Variants in GNB1 observed in about 807,000 individuals in gnomAD.
The protein encoded by GNB1 is G protein subunit beta 1, also known as guanine nucleotide-binding protein G(I)/G(S)/G(T) subunit beta-1.
Under a neutral mutation model 42.9 loss-of-function variants are expected in GNB1, and 2 were observed. The observed-to-expected ratio is 0.05, with a 90% CI of 0.02 to 0.15. The LOEUF is 0.15. Ranked by LOEUF, GNB1 falls within the 10% of genes least tolerant of loss-of-function variation. GNB1 has a pLI of 1.00. For missense variants in GNB1, 193 were observed against 462.2 expected (o/e 0.42, Z 5.34); for synonymous variants, 183 against 174.7 (o/e 1.05, Z -0.38).
Position 1,786,351 on chromosome 1 carries a change from G to A in GNB1, c.*712C>T, listed in dbSNP as rs1322019986. On this transcript the variant is annotated 3_prime_UTR_variant, in exon 12 of 12. Transcript: ENST00000378609. ...GAGCTCACTTTTCAGCAAAGGTGAAGGATTCTCTGATCACGCATTTGAGAC... is the reference window on the plus strand; with the variant it reads ...GAGCTCACTTTTCAGCAAAGGTGAAAGATTCTCTGATCACGCATTTGAGAC... 1 of 327,042 alleles carries A rather than the reference G, an allele frequency of 3.1e-6. No homozygotes were observed. The highest frequency in any genetic ancestry group is 2.1e-5 in the African/African-American group (1 of 47,352). The allele number at this position is 327,042 out of a possible 1,614,324, so 20.3% of individuals were successfully genotyped here.
intron 1 of GNB1, among the ~76,000 whole-genome samples, chr1:1,867,750 C>G (rs1186798893): frequency 6.6e-6 from 1 of 152,152 alleles, no homozygotes; most frequent in Admixed American, 6.6e-5. Flanking sequence ...TAGATATGTT[C>G]CGAATGCTTA....
At chr1:1,838,775 GA>G (rs1266433168) in intron 2 of GNB1, among the ~76,000 whole-genome samples, 1 of 151,826 alleles carries the variant, frequency 6.6e-6, no homozygotes, top group East Asian at 1.9e-4. Context: ...GATCTGATTT[GA>G]AAAAAGGGCT....
intron 3 of GNB1, among the ~76,000 whole-genome samples, chr1:1,821,471 C>T (rs898103797): frequency 5.3e-5 from 8 of 152,218 alleles, no homozygotes; most frequent in African/African-American, 1.9e-4. Flanking sequence ...GAATCATCTA[C>T]AATTTCTTGT....
intron 1 of GNB1, among the ~76,000 whole-genome samples, chr1:1,888,782 TG>T (rs1650302140): frequency 6.6e-6 from 1 of 152,202 alleles, no homozygotes; most frequent in Non-Finnish European, 1.5e-5. Context: ...GAGGTTGCAA[TG>T]AGCCGAGATC....
At chr1:1,808,895 T>C (rs920673242) in intron 5 of GNB1, among the ~76,000 whole-genome samples, 2 of 152,100 alleles carry the variant, frequency 1.3e-5, no homozygotes, top group Admixed American at 1.3e-4. Flanking sequence ...CCGCCCACCT[T>C]GGCCTCCCAA....
At chr1:1,844,494 C>A (rs1278333271) in intron 1 of GNB1, among the ~76,000 whole-genome samples, 1 of 151,998 alleles carries the variant, frequency 6.6e-6, no homozygotes, top group African/African-American at 2.4e-5. Flanking sequence ...AATATGACTT[C>A]TTTGCACATA....
At chr1:1,815,930 T>C (rs1425518177) in intron 4 of GNB1, 68 bp from the exon 5 acceptor site, 8 of 969,358 alleles carry the variant, frequency 8.3e-6, no homozygotes, top group Non-Finnish European at 9.8e-6. Context: ...CACCCATCCT[T>C]GTCAAGGCTG....
intron 4 of GNB1, chr1:1,817,618 T>C (rs978104725): frequency 2.3e-6 from 1 of 443,604 alleles, no homozygotes; most frequent in African/African-American, 1.9e-5. Flanking sequence ...CTGTAACAGG[T>C]AGATGATTAT....
chr1:1,815,106 C>T (rs1382561417), intron 5 of GNB1, among the ~76,000 whole-genome samples: 1 of 147,592 alleles, frequency 6.8e-6, no homozygotes, highest in Non-Finnish European at 1.5e-5. Context: ...AGTGAGACTC[C>T]GTCTTTAAAA....
rs201256388 is a variant in GNB1 at position 1,789,177 on chromosome 1, G to A, written c.792C>T (p.Tyr264=). Residue 264 remains tyrosine (Y), a synonymous_variant, in exon 10 of 12, where the codon TAC becomes TAT. Transcript: ENST00000378609. ...TCCCGCAGATGATGTTGTCATGGGA[G>A]TAAGTCATGAGCTCCTGGTCAGCAC... ...DLRADQELMT[Y]SHDNIICGIT... is the part of the protein sequence containing the mutation. The A allele has an allele frequency of 9.3e-6, 15 of 1,613,212 alleles. No individual in the cohort carries two copies. Among genetic ancestry groups the A allele is most frequent in the East Asian group, 4.5e-5 (2 of 44,886 alleles).
chr1:1,825,102 C>T (rs1482180013), intron 3 of GNB1: 1 of 301,916 alleles, frequency 3.3e-6, no homozygotes, highest in Non-Finnish European at 6.2e-6. Flanking sequence ...TGATCAGTGG[C>T]CCAGGGTATC....
At chr1:1,831,091 G>A (rs1397716485) in intron 2 of GNB1, among the ~76,000 whole-genome samples, 1 of 152,186 alleles carries the variant, frequency 6.6e-6, no homozygotes, top group African/African-American at 2.4e-5. Context: ...CTTGAACCTG[G>A]GAGGCGGAGG....
At chr1:1,866,771 G>A (rs1198131054) in intron 1 of GNB1, among the ~76,000 whole-genome samples, 2 of 151,024 alleles carry the variant, frequency 1.3e-5, no homozygotes, top group Non-Finnish European at 2.9e-5. Context: ...TGGCTAACAC[G>A]GTGAAACCCC....
At chr1:1,826,995 T>C (rs1557907601) in intron 2 of GNB1, among the ~76,000 whole-genome samples, 1 of 152,230 alleles carries the variant, frequency 6.6e-6, no homozygotes, top group South Asian at 2.1e-4. Flanking sequence ...AAGTACGGCT[T>C]ATGCAAGCAC....
chr1:1,810,617 A>C (rs1026740799), intron 5 of GNB1, among the ~76,000 whole-genome samples: 3 of 151,802 alleles, frequency 2.0e-5, no homozygotes, highest in South Asian at 2.1e-4. Flanking sequence ...CTGATACATT[A>C]ATACATACAT....
At chr1:1,788,855 A>G (rs1372230231) in intron 10 of GNB1, 198 bp downstream of exon 10, 1 of 552,530 alleles carries the variant, frequency 1.8e-6, no homozygotes, top group African/African-American at 1.9e-5. Context: ...GCATGTGGGA[A>G]GATCTGCTGG....
At chr1:1,857,311 G>A (rs1302700672) in intron 1 of GNB1, among the ~76,000 whole-genome samples, 2 of 152,076 alleles carry the variant, frequency 1.3e-5, no homozygotes, top group African/African-American at 4.8e-5. Flanking sequence ...CTTGGGGCTG[G>A]CTGGCTCCTC....
intron 1 of GNB1, among the ~76,000 whole-genome samples, chr1:1,848,267 T>C (rs1647781753): frequency 6.8e-6 from 1 of 146,918 alleles, no homozygotes; most frequent in Non-Finnish European, 1.5e-5. Flanking sequence ...TAATCCCAGC[T>C]ACTTGGGAGG....
At chr1:1,818,126 G>A (rs1646881749) in intron 3 of GNB1, 1 of 358,698 alleles carries the variant, frequency 2.8e-6, no homozygotes, top group Non-Finnish European at 5.5e-6. Context: ...ATATTCCTGG[G>A]GACCCACAGC....
Sources: gnomAD v4.1 joint callset for allele counts (sites outside exome capture counted in the v4.1 genomes callset) on GRCh38, gnomAD v4.1.1 for gene constraint, MANE v1.5 for transcripts, NCBI Gene and HGNC (gene_info 2026-07-23, HGNC 2026-07-21) for gene names.